The following CACNA1E variants were observed in gnomAD, a reference collection of about 807,000 sequenced individuals.
CACNA1E encodes the protein voltage-dependent R-type calcium channel subunit alpha-1E.
CACNA1E carries 40 observed loss-of-function variants against 259.2 expected under a neutral mutation model. That is an observed-to-expected ratio of 0.15 (90% CI 0.12 to 0.20). The LOEUF is 0.20. CACNA1E is among the 10% of genes least tolerant of loss of function. The pLI is 1.00. For synonymous variants in CACNA1E, 1,104 were observed against 1,138.5 expected, an observed-to-expected ratio of 0.97 and a Z score of 0.61; for missense variants, 1,874 against 3,040.1, an observed-to-expected ratio of 0.62 and a Z score of 9.02.
intron 30 of CACNA1E, among the ~76,000 whole-genome samples, chr1:181,757,590 G>A (rs1433367759): frequency 1.3e-5 from 2 of 152,192 alleles, no homozygotes; most frequent in Non-Finnish European, 2.9e-5. Context: ...GTTAGGGACT[G>A]TAAGAGAAAT....
intron 34 of CACNA1E, among the ~76,000 whole-genome samples, chr1:181,766,236 A>T (rs1484245273): frequency 1.3e-5 from 2 of 152,220 alleles, no homozygotes; most frequent in African/African-American, 4.8e-5. Flanking sequence ...GGCAAGTGGG[A>T]TGAACCCCAA....
chr1:181,362,559 G>A (rs1288574266), intron 1 of CACNA1E, among the ~76,000 whole-genome samples: 1 of 152,168 alleles, frequency 6.6e-6, no homozygotes, highest in Non-Finnish European at 1.5e-5. Flanking sequence ...CAGGCTTGTT[G>A]CTTGAAACTA....
chr1:181,788,731 C>A (rs1329571834), intron 43 of CACNA1E, among the ~76,000 whole-genome samples: 1 of 152,196 alleles, frequency 6.6e-6, no homozygotes, highest in Non-Finnish European at 1.5e-5. Context: ...TATGCCCCGG[C>A]TTGACAAGGT....
At chr1:181,715,771 C>T (rs1013968862) in intron 9 of CACNA1E, among the ~76,000 whole-genome samples, 1 of 152,186 alleles carries the variant, frequency 6.6e-6, no homozygotes, top group Admixed American at 6.5e-5. Context: ...CAGATGGATA[C>T]GGAGTGCCTG....
rs908704512 is a variant in CACNA1E at position 181,798,873 on chromosome 1, T to C, written c.*39T>C. On this transcript the variant is annotated 3_prime_UTR_variant, in exon 48 of 48. Coordinates refer to ENST00000367573, the MANE Select transcript of CACNA1E (RefSeq NM_001205293.3). This position sits in a 1 kb window ranked among gnomAD's most constrained non-coding sequence, Gnocchi z 4.2. ...CTCCGATGCATGCTCTTCTCTCACA[T>C]GGAGAAAACCAAGACAGAATTGGGA... 4 of 1,464,076 alleles carry C rather than the reference T, an allele frequency of 2.7e-6. No homozygotes were observed. The highest frequency in any genetic ancestry group is 3.6e-6 in the Non-Finnish European group (4 of 1,110,878). 90.7% of individuals were successfully genotyped at this position (1,464,076 alleles called of 1,614,324 possible). A position where few individuals can be genotyped will look rare whatever the true frequency, so the allele number is the denominator to read the frequency against.
intron 3 of CACNA1E, among the ~76,000 whole-genome samples, chr1:181,547,592 G>A (rs967853438): frequency 2.6e-5 from 4 of 152,206 alleles, no homozygotes; most frequent in African/African-American, 9.7e-5. Flanking sequence ...CTCACTCCTA[G>A]TCCAGCGCTC....
chr1:181,567,612 G>A (rs754026008), intron 3 of CACNA1E, among the ~76,000 whole-genome samples: 3 of 152,204 alleles, frequency 2.0e-5, no homozygotes, highest in Non-Finnish European at 4.4e-5. Flanking sequence ...GCTTCAGGTA[G>A]CATAAGAGGG....
intron 35 of CACNA1E, 98 bp downstream of exon 35, chr1:181,766,709 C>A: frequency 1.1e-6 from 1 of 883,044 alleles, no homozygotes; most frequent in Non-Finnish European, 1.8e-6. Flanking sequence ...ATGCTTTGAA[C>A]CCCTTCTTGC....
intron 13 of CACNA1E, 88 bp downstream of exon 13, chr1:181,719,951 C>A: frequency 1.2e-6 from 1 of 828,742 alleles, no homozygotes; most frequent in African/African-American, 1.7e-5. Context: ...TTCTCTTTCC[C>A]CCTTAGGGGG....
intron 6 of CACNA1E, among the ~76,000 whole-genome samples, chr1:181,643,000 T>C: frequency 6.6e-6 from 1 of 151,874 alleles, no homozygotes; most frequent in Non-Finnish European, 1.5e-5. Context: ...ACCCCCTCAC[T>C]CCCCCCACAG....
intron 6 of CACNA1E, among the ~76,000 whole-genome samples, chr1:181,611,662 G>A (rs1443899334): frequency 6.6e-6 from 1 of 152,112 alleles, no homozygotes; most frequent in Non-Finnish European, 1.5e-5. Context: ...AGATTCAATA[G>A]GGGAAGGGTG....
chr1:181,703,947 AT>A (rs1324359558), intron 7 of CACNA1E, among the ~76,000 whole-genome samples: 1 of 148,648 alleles, frequency 6.7e-6, no homozygotes, highest in African/African-American at 2.4e-5. Flanking sequence ...AATGCCATTT[AT>A]TTGCCTTAAC....
chr1:181,777,494 T>C (rs1660064361), intron 38 of CACNA1E, among the ~76,000 whole-genome samples: 1 of 152,242 alleles, frequency 6.6e-6, no homozygotes, highest in Non-Finnish European at 1.5e-5. Flanking sequence ...TACAGAGTTA[T>C]CTAAATCCAT....
chr1:181,725,639 C>T (rs757962706), intron 17 of CACNA1E, among the ~76,000 whole-genome samples: 4 of 152,238 alleles, frequency 2.6e-5, no homozygotes, highest in Non-Finnish European at 4.4e-5. Flanking sequence ...GGGCACTCAG[C>T]CTCAGCACTT....
At chr1:181,726,877 G>C (rs1050177770) in intron 18 of CACNA1E, among the ~76,000 whole-genome samples, 1 of 152,114 alleles carries the variant, frequency 6.6e-6, no homozygotes, top group Non-Finnish European at 1.5e-5. Context: ...CCATTCAGTC[G>C]GTAGTTTGGA....
At chr1:181,535,689 CT>C (rs759161338) in intron 3 of CACNA1E, among the ~76,000 whole-genome samples, 139 of 138,780 alleles carry the variant, frequency 1.0e-3, no homozygotes, top group East Asian at 6.0e-3. Context: ...ATGATTATTT[CT>C]TTTTTTTTTT....
chr1:181,409,019 G>A lies in CACNA1E; in HGVS notation c.-14-4114G>A, dbSNP rs117325305. Among the ~76,000 whole-genome samples the A allele has an allele frequency of 5.2e-3, 791 of 152,212 alleles. 2 individuals are homozygous for A. Among genetic ancestry groups the A allele is most frequent in the African/African-American group, 0.015 (641 of 41,512 alleles). ...CTCTGTAGAACCTGCTTCCATGGGC[G>A]TAGGCTGAATGACAATAATGGAGTC... On this transcript the variant is annotated intron_variant, in intron 1 of 11. Coordinates refer to the CACNA1E transcript ENST00000524607.
intron 1 of CACNA1E, among the ~76,000 whole-genome samples, chr1:181,495,407 T>C (rs943937395): frequency 6.6e-6 from 1 of 152,232 alleles, no homozygotes; most frequent in Admixed American, 6.5e-5. Context: ...ACAGAGATAG[T>C]AATTTGCTTC....
At chr1:181,672,858 C>T (rs1648947542) in intron 7 of CACNA1E, among the ~76,000 whole-genome samples, 1 of 152,152 alleles carries the variant, frequency 6.6e-6, no homozygotes, top group Non-Finnish European at 1.5e-5. Context: ...GATCATGCAC[C>T]TTTGCTGTCC....
Sources: gnomAD v4.1 joint callset for allele counts (sites outside exome capture counted in the v4.1 genomes callset) on GRCh38, gnomAD v4.1.1 for gene constraint, Gnocchi (gnomAD v3.1) non-coding constraint, MANE v1.5 for transcripts, NCBI Gene and HGNC (gene_info 2026-07-23, HGNC 2026-07-21) for gene names.